MOV10L1: variants seen among roughly 807,000 people sequenced by gnomAD.
MOV10L1 encodes the protein Mov10 like RNA helicase 1.
Under a neutral mutation model 143.8 loss-of-function variants are expected in MOV10L1, and 110 were observed. That is an observed-to-expected ratio of 0.76 (90% confidence interval 0.66 to 0.90). MOV10L1 has a LOEUF of 0.90. Among genes scored for constraint, MOV10L1 ranks in the 40% least tolerant of loss-of-function variants. The pLI is 0.00. For missense variants in MOV10L1, 1,406 were observed against 1,526.8 expected (o/e 0.92, Z 1.32); for synonymous variants, 593 against 581.1 (o/e 1.02, Z -0.29).
intron 2 of MOV10L1, 141 bp downstream of exon 2, chr22:50,092,326 T>A: frequency 1.3e-6 from 1 of 754,272 alleles, no homozygotes; most frequent in Admixed American, 3.0e-5. Context: ...TTTTGCTCTT[T>A]ATGATTTATG....
Position 50,152,348 on chromosome 22 carries a change from A to G in MOV10L1, c.2893-697A>G, listed in dbSNP as rs1375526968. Among the ~76,000 whole-genome samples the G allele has an allele frequency of 6.6e-6, 1 of 152,236 alleles. No individual in the cohort carries two copies. Among genetic ancestry groups the G allele is most frequent in the African/African-American group, 2.4e-5 (1 of 41,470 alleles). ...CTCATGCCAATACATGGGTCACGTGATGAGCAGGGTCAAGACTGAGCATTG... is the reference window on the plus strand; with the variant it reads ...CTCATGCCAATACATGGGTCACGTGGTGAGCAGGGTCAAGACTGAGCATTG... On this transcript the variant is annotated intron_variant, in intron 21 of 26. Coordinates refer to ENST00000262794, the MANE Select transcript of MOV10L1 (RefSeq NM_018995.3). This position sits in a 1 kb window ranked among gnomAD's most constrained non-coding sequence, Gnocchi z 4.4.
chr22:50,113,366 G>A (rs1226901284), intron 5 of MOV10L1, among the ~76,000 whole-genome samples: 3 of 152,206 alleles, frequency 2.0e-5, no homozygotes, highest in East Asian at 3.9e-4. Context: ...CTCTGAGCAG[G>A]AGGTAGGGGA....
intron 10 of MOV10L1, among the ~76,000 whole-genome samples, chr22:50,121,678 G>A (rs563005452): frequency 6.6e-5 from 10 of 152,286 alleles, no homozygotes; most frequent in African/African-American, 2.2e-4. Context: ...ATGGTTCATC[G>A]AGGTGGCAGA....
chr22:50,097,153 C>T (rs1158733226), intron 2 of MOV10L1, among the ~76,000 whole-genome samples: 2 of 152,110 alleles, frequency 1.3e-5, no homozygotes, highest in Non-Finnish European at 2.9e-5. Context: ...CACTTTGTTG[C>T]CCAGGCTGGA....
chr22:50,119,694 C>T (rs1365658479), intron 9 of MOV10L1, among the ~76,000 whole-genome samples: 5 of 150,214 alleles, frequency 3.3e-5, no homozygotes. Flanking sequence ...TAACCCTCAG[C>T]ACAAACCATG....
chr22:50,106,620 A>G (rs972286840), intron 3 of MOV10L1, among the ~76,000 whole-genome samples: 20 of 151,940 alleles, frequency 1.3e-4, no homozygotes, highest in African/African-American at 3.6e-4. Flanking sequence ...TGTGGAATAA[A>G]TGAAGGCATG....
At position 50,090,138 on chromosome 22, in the gene MOV10L1, A is replaced by G. The variant is rs1359464836; in HGVS notation, c.50A>G (p.Asp17Gly). 3 of 1,380,860 alleles carry G rather than the reference A, an allele frequency of 2.2e-6. No homozygotes were observed. The African/African-American group carries it at 4.6e-5, about 21-fold the overall frequency. The allele number at this position is 1,380,860 out of a possible 1,614,324, so 85.5% of individuals were successfully genotyped here. ...GTGGCCTTCTTCTGGAGGACGGCGG[A>G]CACCCCTAGGGAGGAAGCCGGGCAG... is the stretch of plus-strand genomic sequence containing the variant. Reference protein sequence around the residue: ...KLVAFFWRTADTPREEAGQLE... With the variant: ...KLVAFFWRTAGTPREEAGQLE... The change falls in exon 1 of 27, where the codon GAC (aspartate) becomes GGC (glycine). Residue 17 changes from aspartate (D) to glycine (G), a missense_variant. Asp to Gly is a moderately conservative substitution (Grantham distance 94). Transcript: ENST00000262794.
chr22:50,135,026 T>A (rs2062784538), intron 15 of MOV10L1, among the ~76,000 whole-genome samples: 1 of 152,058 alleles, frequency 6.6e-6, no homozygotes, highest in Non-Finnish European at 1.5e-5. Flanking sequence ...TCTTTCTTTT[T>A]TTTTTGAGAC....
intron 9 of MOV10L1, among the ~76,000 whole-genome samples, chr22:50,117,789 C>G (rs1362175911): frequency 6.6e-6 from 1 of 152,128 alleles, no homozygotes; most frequent in African/African-American, 2.4e-5. Context: ...TGTGGTACCA[C>G]TTAAGAATGG....
chr22:50,108,752 C>T lies in MOV10L1; in HGVS notation c.651C>T (p.Pro217=), dbSNP rs766067102. Residue 217 remains proline (P), a synonymous_variant, in exon 5 of 27, where the codon CCC becomes CCT. Coordinates refer to ENST00000262794, the MANE Select transcript of MOV10L1 (RefSeq NM_018995.3). ...DSLKLPDGYT[P]RRGDVVNAVV... ...TGAAACTGCCAGATGGGTACACACC[C>T]CGGAGAGGTGACGTGGTCAATGCAG... 8.7e-6 allele frequency: 14 copies of T among 1,614,200 alleles called. No individual in the cohort carries two copies. The South Asian group carries it at 1.2e-4, about 14-fold the overall frequency.
At chr22:50,142,696 T>C (rs763342779) in intron 16 of MOV10L1, among the ~76,000 whole-genome samples, 1 of 149,296 alleles carries the variant, frequency 6.7e-6, no homozygotes, top group Non-Finnish European at 1.5e-5. Flanking sequence ...ATTAGCCAGG[T>C]GTGGTGGTGG....
At chr22:50,091,849 G>T (rs2062452516) in intron 1 of MOV10L1, 152 bp from the exon 2 acceptor site, 1 of 673,140 alleles carries the variant, frequency 1.5e-6, no homozygotes, top group Non-Finnish European at 2.5e-6. Context: ...TCTCTGATGG[G>T]ATTCTCTCTG....
intron 1 of MOV10L1, chr22:50,090,689 TG>T: frequency 2.5e-6 from 2 of 804,984 alleles, no homozygotes; most frequent in East Asian, 2.8e-5. Flanking sequence ...TGTGTGTGTG[TG>T]TGTGAGACGG....
chr22:50,108,925 A>G, intron 5 of MOV10L1, 81 bp downstream of exon 5: 6 of 1,399,872 alleles, frequency 4.3e-6, no homozygotes, highest in Non-Finnish European at 5.9e-6. Flanking sequence ...CAGACGGATC[A>G]CCTGAGGTTG....
rs183975820 is a variant in MOV10L1, at chr22:50,131,420, C to T, written c.1911-2587C>T. Among the ~76,000 whole-genome samples, 9 of 152,176 alleles carry T rather than the reference C, an allele frequency of 5.9e-5. No individual in the cohort carries two copies. The East Asian group carries it at 1.7e-3, about 29-fold the overall frequency. On this transcript the variant is annotated intron_variant, in intron 13 of 26. Coordinates refer to ENST00000262794, the MANE Select transcript of MOV10L1 (RefSeq NM_018995.3). ...TGTATTTTCATTGTTTTTATAGTGC[C>T]TTTTGAAATGCAGAAATTATTAATT...
chr22:50,099,364 C>G, intron 2 of MOV10L1, 79 bp from the exon 3 acceptor site: 3 of 1,513,182 alleles, frequency 2.0e-6, no homozygotes, highest in Non-Finnish European at 2.7e-6. Context: ...CTAATGGTCT[C>G]AGACAGGCAT....
rs2063275612 is a variant in MOV10L1 at position 50,150,720 on chromosome 22, G to T, written c.2728-15G>T. On this transcript the variant is annotated splice_polypyrimidine_tract_variant and intron_variant, in intron 20 of 26. Transcript: ENST00000262794. ...ACCCTCCCTGCATGAGCTGAGACGG[G>T]CCCTCTGTGTGCAGATCGTGCTGGC... is the stretch of plus-strand genomic sequence containing the variant. 1.2e-6 allele frequency: 2 copies of T among 1,612,076 alleles called. No homozygotes were observed. Among genetic ancestry groups the T allele is most frequent in the African/African-American group, 1.3e-5 (1 of 74,864 alleles).
At chr22:50,095,977 G>A (rs932840503) in intron 2 of MOV10L1, 18 of 152,192 alleles carry the variant, frequency 1.2e-4, no homozygotes, top group Non-Finnish European at 1.6e-4. Flanking sequence ...CACTTGATGG[G>A]AATGATCCCC....
In MOV10L1 at chr22:50,113,722, T is replaced by G. The variant is rs2062085505; in HGVS notation, c.818T>G (p.Val273Gly). 6.2e-7 allele frequency: 1 copy of G among 1,613,924 alleles called. No homozygotes were observed. The highest frequency in any genetic ancestry group is 8.5e-7 in the Non-Finnish European group (1 of 1,180,014). ...ILLKNKGDIE[V>G]TQVTHFGTLK... ...CTGAAGAACAAAGGTGATATTGAAG[T>G]TACACAGGTGACGCATTTTGGAACC... is the stretch of plus-strand genomic sequence containing the variant. The change falls in exon 6 of 27, where the codon GTT becomes GGT. Residue 273 changes from valine to glycine, a missense_variant. By Grantham distance (109) the Val-to-Gly change is moderately radical (BLOSUM62 -3). This residue lies in a region of MOV10L1 where 1,233 missense variants were observed against 1,351.4 expected (regional missense o/e 0.91). Transcript: ENST00000262794.
Sources: gnomAD v4.1 joint callset for allele counts (sites outside exome capture counted in the v4.1 genomes callset) on GRCh38, gnomAD v4.1.1 for gene constraint, gnomAD v4.1.1 regional missense constraint, Gnocchi (gnomAD v3.1) non-coding constraint, MANE v1.5 for transcripts, NCBI Gene and HGNC (gene_info 2026-07-23, HGNC 2026-07-21) for gene names.